The following RABGGTB variants were observed in gnomAD, a reference collection of about 807,000 sequenced individuals.
RABGGTB encodes Rab geranylgeranyltransferase subunit beta, also known as geranylgeranyl transferase type-2 subunit beta.
RABGGTB carries 20 observed loss-of-function variants against 44.5 expected under a neutral mutation model. The observed-to-expected ratio is 0.45, with a 90% confidence interval of 0.32 to 0.65. The LOEUF (loss-of-function observed/expected upper bound fraction) is 0.65, where lower values mean the gene tolerates loss of function less well. RABGGTB is among the 30% of genes least tolerant of loss of function. RABGGTB has a pLI of 0.05. For missense variants in RABGGTB, 302 were observed against 398.7 expected (o/e 0.76, Z 2.06); for synonymous variants, 128 against 136.7 (o/e 0.94, Z 0.44).
Position 75,786,277 on chromosome 1 carries a change from A to G in RABGGTB, c.3+3A>G, listed in dbSNP as rs768614672. ...CTCTCCTTTCCCTGTTAGACATGGTAAGTGTGAGTTTAGCGCTGCTGTCCG... is the reference window on the plus strand; with the variant it reads ...CTCTCCTTTCCCTGTTAGACATGGTGAGTGTGAGTTTAGCGCTGCTGTCCG... On this transcript the variant is annotated splice_donor_region_variant and intron_variant, in intron 1 of 8. Transcript: ENST00000319942. The G allele has an allele frequency of 7.4e-6, 12 of 1,614,064 alleles. No individual in the cohort carries two copies. The Admixed American group carries it at 1.7e-4, about 22-fold the overall frequency.
chr1:75,788,071 C>T, intron 2 of RABGGTB: 2 of 374,506 alleles, frequency 5.3e-6, no homozygotes, highest in Non-Finnish European at 1.0e-5. Flanking sequence ...ATGTTTTTCC[C>T]TGTAGTATCC....
At chr1:75,787,283 A>G (rs1377265454) in intron 1 of RABGGTB, 1 of 624,120 alleles carries the variant, frequency 1.6e-6, no homozygotes, top group Non-Finnish European at 2.9e-6. Flanking sequence ...GATGGAGTGC[A>G]GTGACACAAC....
At chr1:75,786,730 A>G in intron 1 of RABGGTB, 1 of 280,174 alleles carries the variant, frequency 3.6e-6, no homozygotes, top group South Asian at 3.4e-5. Context: ...TGAGGAAGAT[A>G]TAGATACGAA....
chr1:75,787,170 C>G, intron 1 of RABGGTB: 1 of 579,362 alleles, frequency 1.7e-6, no homozygotes, highest in Non-Finnish European at 3.3e-6. Context: ...TGAATCGTGA[C>G]TAAGACGAAG....
At chr1:75,786,405 G>GT in intron 1 of RABGGTB, 131 bp downstream of exon 1, 5 of 1,311,144 alleles carry the variant, frequency 3.8e-6, no homozygotes, top group Non-Finnish European at 5.5e-6. Context: ...GCCTTGGAAG[G>GT]TTTTTTGAGT....
intron 7 of RABGGTB, among the ~76,000 whole-genome samples, chr1:75,792,551 A>T (rs1171125884): frequency 6.6e-6 from 1 of 152,308 alleles, no homozygotes; most frequent in East Asian, 1.9e-4. Context: ...TCCATGTTTA[A>T]GGACAGTTGA....
At chr1:75,789,522 T>A in intron 3 of RABGGTB, 166 bp downstream of exon 3, 1 of 823,218 alleles carries the variant, frequency 1.2e-6, no homozygotes, top group Non-Finnish European at 2.1e-6. Flanking sequence ...AAAGTTGATG[T>A]GAGTTCTAAA....
chr1:75,790,561 C>T (rs975316976), intron 4 of RABGGTB: 4 of 830,052 alleles, frequency 4.8e-6, no homozygotes, highest in Non-Finnish European at 5.8e-6. Context: ...ACTTTGGGTT[C>T]TATTAGTTTT....
At chr1:75,794,006 CTT>C in intron 7 of RABGGTB, 76 bp from the exon 8 acceptor site, 1 of 822,554 alleles carries the variant, frequency 1.2e-6, no homozygotes, top group African/African-American at 2.0e-5. Flanking sequence ...AAGAGTGAGA[CTT>C]AACCCACTTT....
rs1187545809 is a variant in RABGGTB, at chr1:75,787,829, G to A, written c.111+225G>A. 3 of 699,126 alleles carry A rather than the reference G, an allele frequency of 4.3e-6. No individual in the cohort carries two copies. The African/African-American group carries it at 5.2e-5, about 12-fold the overall frequency. 43.3% of individuals were successfully genotyped at this position (699,126 alleles called of 1,614,324 possible). ...CTGAGAGGGCTTGCCAGACAAAGTAGATGAGGGTTTGAGGTACAAAACGGG... is the reference window on the plus strand; with the variant it reads ...CTGAGAGGGCTTGCCAGACAAAGTAAATGAGGGTTTGAGGTACAAAACGGG... On this transcript the variant is annotated intron_variant, in intron 2 of 8. Coordinates refer to ENST00000319942, the MANE Select transcript of RABGGTB (RefSeq NM_004582.4).
At chr1:75,788,985 A>G in intron 2 of RABGGTB, 174 bp from the exon 3 acceptor site, 2 of 598,188 alleles carry the variant, frequency 3.3e-6, no homozygotes, top group Non-Finnish European at 5.9e-6. Context: ...GTTGTGTCTG[A>G]AGATGGCTTC....
chr1:75,788,117 A>G (rs1297773964), intron 2 of RABGGTB: 1 of 331,018 alleles, frequency 3.0e-6, no homozygotes, highest in Non-Finnish European at 5.9e-6. Flanking sequence ...TTTGTGGGAT[A>G]TATGGTATGT....
intron 4 of RABGGTB, 109 bp from the exon 5 acceptor site, chr1:75,791,176 A>G: frequency 1.0e-6 from 1 of 963,008 alleles, no homozygotes; most frequent in East Asian, 2.4e-5. Context: ...CCTAAAGTGA[A>G]AGTTAAGCTT....
Position 75,787,621 on chromosome 1 carries a change from T to C in RABGGTB, c.111+17T>C, listed in dbSNP as rs770470786. 4 of 1,580,418 alleles carry C rather than the reference T, an allele frequency of 2.5e-6. No individual in the cohort carries two copies. The highest frequency in any genetic ancestry group is 3.3e-4 in the Middle Eastern group (2 of 6,000). On this transcript the variant is annotated intron_variant, in intron 2 of 8. Coordinates refer to ENST00000319942, the MANE Select transcript of RABGGTB (RefSeq NM_004582.4). The stretch of plus-strand genomic sequence containing the variant: ...GATGATTATGTATGTATAATTTTTT[T>C]ATGTTGGAAAGTTTATTTTAAAGAA...
At chr1:75,794,270 T>A (rs1649717301) in intron 8 of RABGGTB, 37 bp downstream of exon 8, 1 of 1,568,526 alleles carries the variant, frequency 6.4e-7, no homozygotes. Context: ...ATAAATTATT[T>A]CAGCGTTTGC....
At position 75,792,206 on chromosome 1, in the gene RABGGTB, C is replaced by T. The variant is rs765753367; in HGVS notation, c.605C>T (p.Ala202Val). The change falls in exon 7 of 9, where the codon GCA becomes GTA. Residue 202 changes from alanine (A) to valine (V), a missense_variant. Coordinates refer to ENST00000319942, the MANE Select transcript of RABGGTB (RefSeq NM_004582.4). ...GQIYCCTGFL[A>V]ITSQLHQVNS... ...ATCTATTGTTGCACAGGATTTCTGG[C>T]AATTACAAGTCAGTTGCATCAAGTA... is the stretch of plus-strand genomic sequence containing the variant. The T allele has an allele frequency of 1.2e-6, 2 of 1,610,754 alleles. No homozygotes were observed. Among genetic ancestry groups the T allele is most frequent in the Non-Finnish European group, 1.7e-6 (2 of 1,177,102 alleles).
intron 4 of RABGGTB, chr1:75,790,273 A>C: frequency 8.1e-7 from 1 of 1,233,828 alleles, no homozygotes; most frequent in Non-Finnish European, 1.0e-6. Flanking sequence ...CTAAAAGATA[A>C]GGTAGGTGGA....
intron 7 of RABGGTB, among the ~76,000 whole-genome samples, chr1:75,793,121 A>G (rs1649686669): frequency 6.6e-6 from 1 of 151,966 alleles, no homozygotes; most frequent in Non-Finnish European, 1.5e-5. Flanking sequence ...CCAGGACTAT[A>G]TTTAAATGAT....
chr1:75,790,093 CA>C, intron 4 of RABGGTB, 36 bp downstream of exon 4: 1 of 1,606,892 alleles, frequency 6.2e-7, no homozygotes, highest in Non-Finnish European at 8.5e-7. Context: ...CCCAAAATAC[CA>C]ATATTAAAAT....
Sources: gnomAD v4.1 joint callset for allele counts (sites outside exome capture counted in the v4.1 genomes callset) on GRCh38, gnomAD v4.1.1 for gene constraint, MANE v1.5 for transcripts, NCBI Gene and HGNC (gene_info 2026-07-23, HGNC 2026-07-21) for gene names.